The following HGF variants were observed in gnomAD, a reference collection of about 807,000 sequenced individuals.
HGF encodes hepatocyte growth factor.
Under a neutral mutation model 111.6 loss-of-function variants are expected in HGF, and 39 were observed. The observed-to-expected ratio is 0.35, with a 90% CI of 0.27 to 0.46. HGF has a LOEUF of 0.46. Ranked by LOEUF, HGF falls within the 20% of genes least tolerant of loss-of-function variation. The pLI, the probability that HGF is intolerant of heterozygous loss-of-function variation, is 1.00. For missense variants in HGF, 735 were observed against 910.5 expected (o/e 0.81, Z 2.48); for synonymous variants, 285 against 294.8 (o/e 0.97, Z 0.34).
intron 13 of HGF, among the ~76,000 whole-genome samples, chr7:81,708,854 A>T (rs910402616): frequency 6.6e-6 from 1 of 152,032 alleles, no homozygotes; most frequent in Admixed American, 6.6e-5. Flanking sequence ...TAGTTTCACA[A>T]TTCTATTTTA....
chr7:81,769,013 A>G (rs549665518), intron 1 of HGF, among the ~76,000 whole-genome samples: 139 of 152,158 alleles, frequency 9.1e-4, no homozygotes, highest in Middle Eastern at 3.4e-3. Flanking sequence ...CCATCTGGGC[A>G]TTTGTTCCCA....
At chr7:81,765,416 A>T (rs1789309439) in intron 1 of HGF, among the ~76,000 whole-genome samples, 1 of 152,136 alleles carries the variant, frequency 6.6e-6, no homozygotes, top group African/African-American at 2.4e-5. Flanking sequence ...TCATCTAAAG[A>T]TCGAAAAGCA....
At chr7:81,710,782 CATAAT>C (rs5745738) in intron 12 of HGF, among the ~76,000 whole-genome samples, 7,690 of 152,174 alleles carry the variant, frequency 0.051, 642 homozygotes, top group African/African-American at 0.18. Context: ...TGTCCAAAGA[CATAAT>C]ATAAAATTTA....
At position 81,706,273 on chromosome 7, in the gene HGF, C is replaced by T. The variant is rs1206565189; in HGVS notation, c.1757+14G>A. 4 of 1,611,464 alleles carry T rather than the reference C, an allele frequency of 2.5e-6. No homozygotes were observed. The highest frequency in any genetic ancestry group is 3.4e-6 in the Non-Finnish European group (4 of 1,178,322). On this transcript the variant is annotated intron_variant, in intron 15 of 17. Transcript: ENST00000222390. ...GTCCAGGTGAAAAATACAAAATCTTCTAAAGTAACTAACCTGGCAAGCTTC... is the reference window on the plus strand; with the variant it reads ...GTCCAGGTGAAAAATACAAAATCTTTTAAAGTAACTAACCTGGCAAGCTTC...
rs1286109010 is a variant in HGF at position 81,700,604 on chromosome 7, G to C, written c.*1977C>G. The C allele has an allele frequency of 6.6e-6, 1 of 151,400 alleles. No homozygotes were observed. Among genetic ancestry groups the C allele is most frequent in the Non-Finnish European group, 1.5e-5 (1 of 67,616 alleles). 9.4% of individuals were successfully genotyped at this position (151,400 alleles called of 1,614,324 possible). ...TAATATGCAATAATAAAATTTCACTGGTTCAGCCAGAAGAAACTATGAAAT... is the reference window on the plus strand; with the variant it reads ...TAATATGCAATAATAAAATTTCACTCGTTCAGCCAGAAGAAACTATGAAAT... On this transcript the variant is annotated 3_prime_UTR_variant, in exon 18 of 18. Transcript: ENST00000222390.
At chr7:81,730,227 T>A (rs1787600936) in intron 7 of HGF, among the ~76,000 whole-genome samples, 1 of 152,084 alleles carries the variant, frequency 6.6e-6, no homozygotes, top group Non-Finnish European at 1.5e-5. Flanking sequence ...GGTGGGTGGA[T>A]CACCTGAGGT....
chr7:81,745,013 A>T lies in HGF; in HGVS notation c.733T>A (p.Phe245Ile), dbSNP rs1410233416. 1.2e-6 allele frequency: 2 copies of T among 1,614,076 alleles called. No individual in the cohort carries two copies. The highest frequency in any genetic ancestry group is 4.5e-5 in the East Asian group (2 of 44,854). ...TTAATATTTTACCTTTCAGGCAAGA[A>T]TTTGTGCCGGTGTGGTGTCTGATGA... is the stretch of plus-strand genomic sequence containing the variant. ...WDHQTPHRHKFLPERYPDKGF... is the reference protein window; with the variant it reads ...WDHQTPHRHKILPERYPDKGF... Residue 245 changes from phenylalanine to isoleucine, a missense_variant, in exon 6 of 18, where the codon TTC (phenylalanine) becomes ATC (isoleucine). This residue lies in a region of HGF where 553 missense variants were observed against 685.6 expected (regional missense o/e 0.81). Transcript: ENST00000222390.
chr7:81,767,086 A>C (rs1351423416), intron 1 of HGF, among the ~76,000 whole-genome samples: 1 of 152,138 alleles, frequency 6.6e-6, no homozygotes, highest in Non-Finnish European at 1.5e-5. Context: ...TAAGATACTG[A>C]CTATTCTACC....
At chr7:81,740,768 T>C (rs779429727) in intron 7 of HGF, among the ~76,000 whole-genome samples, 80 of 152,144 alleles carry the variant, frequency 5.3e-4, no homozygotes, top group Non-Finnish European at 1.1e-3. Flanking sequence ...GGAAACTGAA[T>C]TCTGTCAAAA....
At chr7:81,765,142 A>G (rs1312658431) in intron 1 of HGF, among the ~76,000 whole-genome samples, 1 of 152,110 alleles carries the variant, frequency 6.6e-6, no homozygotes, top group African/African-American at 2.4e-5. Flanking sequence ...AAAAAGTCTA[A>G]GACAAATATT....
chr7:81,764,245 T>TAC (rs1318606628), intron 1 of HGF, among the ~76,000 whole-genome samples: 1 of 152,108 alleles, frequency 6.6e-6, no homozygotes, highest in East Asian at 1.9e-4. Context: ...GAGCAGATGC[T>TAC]ACTAATTAGT....
chr7:81,710,390 A>T (rs1014349194), intron 12 of HGF, 147 bp from the exon 13 acceptor site: 1 of 677,914 alleles, frequency 1.5e-6, no homozygotes, highest in African/African-American at 1.8e-5. Context: ...GAAGTTTAAT[A>T]TGACCGCAGC....
At chr7:81,710,562 A>T (rs1789547264) in intron 12 of HGF, among the ~76,000 whole-genome samples, 1 of 152,178 alleles carries the variant, frequency 6.6e-6, no homozygotes, top group Non-Finnish European at 1.5e-5. Context: ...CACCACCCTC[A>T]ACATAAAATA....
intron 4 of HGF, 180 bp downstream of exon 4, chr7:81,757,009 C>T (rs1788807039): frequency 3.3e-6 from 2 of 611,620 alleles, no homozygotes; most frequent in Non-Finnish European, 5.8e-6. Flanking sequence ...ATTTTATTAA[C>T]ATATTAATTA....
chr7:81,762,953 T>A, intron 1 of HGF, 81 bp from the exon 2 acceptor site: 1 of 843,446 alleles, frequency 1.2e-6, no homozygotes. Context: ...ATCCTAAGGA[T>A]CATCTACAAG....
At chr7:81,745,259 G>A in intron 5 of HGF, 139 bp from the exon 6 acceptor site, 2 of 814,216 alleles carry the variant, frequency 2.5e-6, no homozygotes, top group Non-Finnish European at 4.1e-6. Flanking sequence ...TTTTATTAGG[G>A]CCTAATGTCT....
At chr7:81,767,510 C>G (rs1461826092) in intron 1 of HGF, among the ~76,000 whole-genome samples, 1 of 152,144 alleles carries the variant, frequency 6.6e-6, no homozygotes, top group East Asian at 1.9e-4. Context: ...ATTTGTTCAT[C>G]TTTACATCCC....
chr7:81,756,707 T>C (rs1265684740), intron 4 of HGF: 4 of 161,384 alleles, frequency 2.5e-5, no homozygotes, highest in African/African-American at 9.6e-5. Flanking sequence ...CCCCAGAGAT[T>C]CTGATTTAAT....
In HGF at chr7:81,751,958, T is replaced by C. The variant is rs555912845; in HGVS notation, c.625+162A>G. On this transcript the variant is annotated intron_variant, in intron 5 of 17. Transcript: ENST00000222390. Reference sequence around the variant, plus strand: ...TTAATCTGGTGATAATCCAACAGTTTTAAAAACATTGTATAAAAATGTTTA... The same window carrying C: ...TTAATCTGGTGATAATCCAACAGTTCTAAAAACATTGTATAAAAATGTTTA... 6.4e-5 allele frequency: 91 copies of C among 1,432,276 alleles called. 1 individual carries two copies. In the African/African-American group the frequency reaches 1.0e-3, roughly 16 times the overall value. The allele number at this position is 1,432,276 out of a possible 1,614,324, so 88.7% of individuals were successfully genotyped here.
Sources: allele counts gnomAD v4.1 joint callset (sites outside exome capture counted in the v4.1 genomes callset), GRCh38; gene constraint gnomAD v4.1.1; regional missense constraint gnomAD v4.1.1; transcripts MANE v1.5; gene names NCBI Gene and HGNC (gene_info 2026-07-23, HGNC 2026-07-21).